NKAIN2: variants seen among roughly 807,000 people sequenced by gnomAD.
NKAIN2 encodes sodium/potassium-transporting ATPase subunit beta-1-interacting protein 2.
NKAIN2 carries 14 observed loss-of-function variants against 32.6 expected under a neutral mutation model. The ratio of observed to expected loss-of-function variants is 0.43; its 90% confidence interval spans 0.28 to 0.67. NKAIN2 has a LOEUF of 0.67. Ranked by LOEUF, NKAIN2 falls within the 30% of genes least tolerant of loss-of-function variation. The pLI is 0.17. For synonymous variants in NKAIN2, 80 were observed against 87.2 expected (o/e 0.92, Z 0.46); for missense variants, 198 against 258.3 (o/e 0.77, Z 1.60).
chr6:124,677,430 TAC>T (rs891609248), intron 4 of NKAIN2, among the ~76,000 whole-genome samples: 4 of 152,244 alleles, frequency 2.6e-5, no homozygotes, highest in African/African-American at 7.2e-5. Flanking sequence ...CTTTCACTCT[TAC>T]AGTCTATCTT....
intron 4 of NKAIN2, among the ~76,000 whole-genome samples, chr6:124,692,693 G>C (rs568165912): frequency 1.3e-5 from 2 of 152,082 alleles, no homozygotes; most frequent in African/African-American, 4.8e-5. Flanking sequence ...GCAGGCGCCT[G>C]TTGTCCCAGC....
intron 1 of NKAIN2, among the ~76,000 whole-genome samples, chr6:124,083,276 A>G (rs1784054667): frequency 6.6e-6 from 1 of 151,976 alleles, no homozygotes; most frequent in Non-Finnish European, 1.5e-5. Flanking sequence ...ATTAATTTAT[A>G]GGCCCATTTC....
At chr6:124,448,867 G>A (rs1775994033) in intron 3 of NKAIN2, among the ~76,000 whole-genome samples, 2 of 152,040 alleles carry the variant, frequency 1.3e-5, no homozygotes, top group Admixed American at 1.3e-4. Context: ...GTTCCTACCT[G>A]CTCTGATAAT....
chr6:124,533,682 C>T (rs1263814190), intron 3 of NKAIN2, among the ~76,000 whole-genome samples: 2 of 152,146 alleles, frequency 1.3e-5, no homozygotes, highest in East Asian at 3.9e-4. Context: ...CAACATTCAG[C>T]ATACAGATGT....
intron 3 of NKAIN2, among the ~76,000 whole-genome samples, chr6:124,488,344 G>T (rs1268038937): frequency 6.6e-6 from 1 of 151,844 alleles, no homozygotes; most frequent in Admixed American, 6.6e-5. Flanking sequence ...AGCCATAACC[G>T]TATCCAGGCA....
chr6:124,690,643 T>C (rs73770536), intron 4 of NKAIN2, among the ~76,000 whole-genome samples: 10,358 of 152,166 alleles, frequency 0.068, 535 homozygotes, highest in African/African-American at 0.14. Flanking sequence ...ATAGGAGAAA[T>C]TGTTCTTTTC....
chr6:124,584,976 G>C (rs1464530486), intron 3 of NKAIN2, among the ~76,000 whole-genome samples: 1 of 152,042 alleles, frequency 6.6e-6, no homozygotes, highest in Non-Finnish European at 1.5e-5. Context: ...TCCCCTAAAG[G>C]GAATCAGCAT....
chr6:124,193,225 T>G (rs1172042271), intron 1 of NKAIN2, among the ~76,000 whole-genome samples: 2 of 152,196 alleles, frequency 1.3e-5, no homozygotes, highest in Non-Finnish European at 2.9e-5. Context: ...TTGGGCCCAT[T>G]TGGCCCGGCA....
At chr6:124,774,229 G>T (rs775142990) in intron 4 of NKAIN2, among the ~76,000 whole-genome samples, 5 of 152,140 alleles carry the variant, frequency 3.3e-5, no homozygotes, top group Non-Finnish European at 5.9e-5. Flanking sequence ...ATGGCAAATT[G>T]GACCTGGGAG....
At position 124,424,854 on chromosome 6, in the gene NKAIN2, T is replaced by C. The variant is rs544115949; in HGVS notation, c.273+69507T>C. 6.6e-5 allele frequency among the ~76,000 whole-genome samples: 10 copies of C among 152,298 alleles called. No individual in the cohort carries two copies. The East Asian group carries it at 1.9e-3, about 29-fold the overall frequency. ...TCCTTATCTTGGCTATTGTGAATAA[T>C]ACTGCAATGAACATGAGGATACAGA... is the stretch of plus-strand genomic sequence containing the variant. On this transcript the variant is annotated intron_variant, in intron 3 of 6. Transcript: ENST00000368417.
chr6:123,971,632 G>A (rs1041494037), intron 1 of NKAIN2, among the ~76,000 whole-genome samples: 1 of 152,196 alleles, frequency 6.6e-6, no homozygotes, highest in Non-Finnish European at 1.5e-5. Flanking sequence ...AAAGCTTGTT[G>A]TCCCCATCAT....
chr6:124,051,104 C>A (rs1782378035), intron 1 of NKAIN2, among the ~76,000 whole-genome samples: 1 of 151,906 alleles, frequency 6.6e-6, no homozygotes, highest in African/African-American at 2.4e-5. Flanking sequence ...TAAGTGAATT[C>A]CTGTGGCTAA....
chr6:124,245,048 G>T (rs1371419016), intron 1 of NKAIN2, among the ~76,000 whole-genome samples: 1 of 152,048 alleles, frequency 6.6e-6, no homozygotes, highest in Non-Finnish European at 1.5e-5. Context: ...TTTCCTTGGT[G>T]CATTAATTAG....
chr6:124,311,872 C>T (rs1374508080), intron 2 of NKAIN2, among the ~76,000 whole-genome samples: 3 of 152,008 alleles, frequency 2.0e-5, no homozygotes, highest in Admixed American at 6.6e-5. Flanking sequence ...AAAGGTTAAA[C>T]GTATGTGGTA....
chr6:124,108,603 A>C (rs1444884759), intron 1 of NKAIN2, among the ~76,000 whole-genome samples: 1 of 152,068 alleles, frequency 6.6e-6, no homozygotes, highest in African/African-American at 2.4e-5. Context: ...CATATCCAAT[A>C]ACTCATTGCC....
At chr6:124,526,758 C>T (rs1779329567) in intron 3 of NKAIN2, among the ~76,000 whole-genome samples, 2 of 152,120 alleles carry the variant, frequency 1.3e-5, no homozygotes, top group Non-Finnish European at 1.5e-5. Context: ...AAATCCCAAA[C>T]ATTATTTATG....
chr6:124,411,209 T>G (rs1260305832), intron 3 of NKAIN2, among the ~76,000 whole-genome samples: 1 of 152,010 alleles, frequency 6.6e-6, no homozygotes, highest in African/African-American at 2.4e-5. Context: ...TATGTGTGAA[T>G]TTGATCCTGT....
chr6:124,563,007 C>T (rs945419588), intron 3 of NKAIN2, among the ~76,000 whole-genome samples: 1 of 150,828 alleles, frequency 6.6e-6, no homozygotes, highest in Non-Finnish European at 1.5e-5. Context: ...TAGGTTCAAG[C>T]GATTCTCCTG....
intron 4 of NKAIN2, among the ~76,000 whole-genome samples, chr6:124,736,226 A>G (rs1418294613): frequency 6.6e-6 from 1 of 151,974 alleles, no homozygotes; most frequent in Non-Finnish European, 1.5e-5. Flanking sequence ...CTTCACTTGT[A>G]TGAAGGCTGA....
Sources: gnomAD v4.1 joint callset for allele counts (sites outside exome capture counted in the v4.1 genomes callset) on GRCh38, gnomAD v4.1.1 for gene constraint, MANE v1.5 for transcripts, NCBI Gene and HGNC (gene_info 2026-07-23, HGNC 2026-07-21) for gene names.